AGMO: variants seen among roughly 807,000 people sequenced by gnomAD.
The protein encoded by AGMO is alkylglycerol monooxygenase.
Under a neutral mutation model 60.2 loss-of-function variants are expected in AGMO, and 75 were observed. The observed-to-expected ratio is 1.25, with a 90% CI of 1.03 to 1.51. The LOEUF (loss-of-function observed/expected upper bound fraction) is 1.51, where lower values mean the gene tolerates loss of function less well. AGMO is among the 40% of genes most tolerant of loss of function. The pLI, the probability that AGMO is intolerant of heterozygous loss-of-function variation, is 0.00. For missense variants in AGMO, 763 were observed against 525.5 expected, an observed-to-expected ratio of 1.45 and a Z score of -4.42; for synonymous variants, 261 against 177.1, an observed-to-expected ratio of 1.47 and a Z score of -3.76.
intron 3 of AGMO, among the ~76,000 whole-genome samples, chr7:15,509,380 AAAT>A (rs1250303310): frequency 6.8e-5 from 10 of 147,390 alleles, no homozygotes; most frequent in African/African-American, 2.7e-4. Flanking sequence ...GCAAAAAAAA[AAAT>A]AAAAATGAAA....
chr7:15,344,788 TGAG>T (rs1388101191), intron 12 of AGMO, among the ~76,000 whole-genome samples: 6 of 152,214 alleles, frequency 3.9e-5, no homozygotes, highest in Non-Finnish European at 8.8e-5. Flanking sequence ...TAGATGCACT[TGAG>T]TAGTGTGATG....
chr7:15,274,395 G>T (rs532716496), intron 12 of AGMO, among the ~76,000 whole-genome samples: 1 of 152,076 alleles, frequency 6.6e-6, no homozygotes, highest in Non-Finnish European at 1.5e-5. Flanking sequence ...TTTGTCTTTC[G>T]TTCTGTTTAT....
intron 4 of AGMO, among the ~76,000 whole-genome samples, chr7:15,429,537 C>T (rs1386749015): frequency 2.0e-5 from 3 of 151,986 alleles, no homozygotes; most frequent in Admixed American, 1.3e-4. Context: ...GACTTGTGGC[C>T]TCCAGACCAG....
the AGMO span, among the ~76,000 whole-genome samples, chr7:15,190,095 TTATATA>T: frequency 1.6e-3 from 3 of 1,870 alleles, no homozygotes; most frequent in Admixed American, 8.1e-3. Flanking sequence ...ATATATATAT[TTATATA>T]TATATATATA....
At chr7:15,546,337 G>A (rs1562565762) in intron 2 of AGMO, among the ~76,000 whole-genome samples, 5 of 152,176 alleles carry the variant, frequency 3.3e-5, no homozygotes, top group Non-Finnish European at 7.3e-5. Context: ...TCCAATTTGA[G>A]ATTACATGGT....
intron 12 of AGMO, among the ~76,000 whole-genome samples, chr7:15,203,900 T>A (rs181756906): frequency 6.6e-6 from 1 of 152,222 alleles, no homozygotes; most frequent in East Asian, 1.9e-4. Flanking sequence ...AGTCATCACC[T>A]AGATTTTCCT....
the AGMO span, among the ~76,000 whole-genome samples, chr7:15,120,465 C>A: frequency 6.6e-6 from 1 of 152,058 alleles, no homozygotes; most frequent in African/African-American, 2.4e-5. Context: ...GGAAATGGAG[C>A]CTTCGGGAGG....
chr7:15,170,685 C>G, the AGMO span, among the ~76,000 whole-genome samples: 1 of 151,786 alleles, frequency 6.6e-6, no homozygotes, highest in Non-Finnish European at 1.5e-5. Flanking sequence ...ATTAATGAAC[C>G]AATACTGATA....
intron 10 of AGMO, among the ~76,000 whole-genome samples, chr7:15,375,607 G>A (rs1783420060): frequency 6.6e-6 from 1 of 151,996 alleles, no homozygotes; most frequent in African/African-American, 2.4e-5. Context: ...ACCTTGGCCA[G>A]ACAGGTCTCA....
chr7:15,311,638 A>AC (rs147991852), intron 12 of AGMO, among the ~76,000 whole-genome samples: 2,310 of 152,278 alleles, frequency 0.015, 57 homozygotes, highest in African/African-American at 0.049. Context: ...GGAGGAAGTC[A>AC]CCATCATTCT....
At chr7:15,435,334 A>G (rs1256247548) in intron 3 of AGMO, among the ~76,000 whole-genome samples, 1 of 149,400 alleles carries the variant, frequency 6.7e-6, no homozygotes, top group Non-Finnish European at 1.5e-5. Flanking sequence ...TTTTATTAGT[A>G]CCAGCAGTGT....
intron 3 of AGMO, among the ~76,000 whole-genome samples, chr7:15,474,749 A>C (rs907265268): frequency 6.6e-6 from 1 of 152,150 alleles, no homozygotes; most frequent in African/African-American, 2.4e-5. Flanking sequence ...CTGTCATCAG[A>C]GTGAACAGAC....
the AGMO span, among the ~76,000 whole-genome samples, chr7:15,146,156 C>T: frequency 6.6e-6 from 1 of 152,110 alleles, no homozygotes; most frequent in Admixed American, 6.5e-5. Context: ...TAATTCTATA[C>T]ACCTTTATAA....
the AGMO span, among the ~76,000 whole-genome samples, chr7:15,161,703 G>A: frequency 6.6e-6 from 1 of 150,970 alleles, no homozygotes; most frequent in Non-Finnish European, 1.5e-5. Flanking sequence ...ATGTGTGTGT[G>A]TATACATACA....
chr7:15,463,435 C>A (rs1448781276), intron 3 of AGMO, among the ~76,000 whole-genome samples: 1 of 152,186 alleles, frequency 6.6e-6, no homozygotes, highest in Non-Finnish European at 1.5e-5. Flanking sequence ...CTCTTACACA[C>A]TCACCCAAAC....
At chr7:15,157,255 A>C in the AGMO span, among the ~76,000 whole-genome samples, 1 of 152,188 alleles carries the variant, frequency 6.6e-6, no homozygotes. Context: ...AGGAAGGACC[A>C]TGAGGCTTAG....
chr7:15,327,732 ATTTC>A (rs1201933234), intron 12 of AGMO, among the ~76,000 whole-genome samples: 29 of 126,904 alleles, frequency 2.3e-4, no homozygotes, highest in Middle Eastern at 4.3e-3. Context: ...TGATAAACTG[ATTTC>A]TTTCTTTTTT....
At chr7:15,118,704 T>G in the AGMO span, among the ~76,000 whole-genome samples, 1 of 152,116 alleles carries the variant, frequency 6.6e-6, no homozygotes, top group South Asian at 2.1e-4. Context: ...TAAAGGAAGC[T>G]CAGCTCAATA....
intron 3 of AGMO, among the ~76,000 whole-genome samples, chr7:15,432,702 G>A (rs4719450): frequency 0.087 from 13,158 of 151,740 alleles, 738 homozygotes; most frequent in South Asian, 0.15. Context: ...ATCATTTGTA[G>A]GAAAGACATT....
Sources: allele counts gnomAD v4.1 joint callset (sites outside exome capture counted in the v4.1 genomes callset), GRCh38; gene constraint gnomAD v4.1.1; transcripts MANE v1.5; gene names NCBI Gene and HGNC (gene_info 2026-07-23, HGNC 2026-07-21).